The following STK33 variants were observed in gnomAD, a reference collection of about 807,000 sequenced individuals.
STK33 encodes the protein serine/threonine-protein kinase 33.
A neutral mutation model predicts 58.0 loss-of-function variants in STK33; 52 were observed. The ratio of observed to expected loss-of-function variants is 0.90; its 90% confidence interval spans 0.72 to 1.13. The LOEUF is 1.13. Ranked by LOEUF, STK33 falls within the 50% of genes most tolerant of loss-of-function variation. STK33 has a pLI of 0.00. For missense variants in STK33, 630 were observed against 604.2 expected (o/e 1.04, Z -0.45); for synonymous variants, 215 against 200.1 (o/e 1.07, Z -0.63).
chr11:8,482,338 G>C (rs1245363791), intron 1 of STK33, among the ~76,000 whole-genome samples: 1 of 152,196 alleles, frequency 6.6e-6, no homozygotes, highest in Non-Finnish European at 1.5e-5. Flanking sequence ...AGAGCATCTA[G>C]AGGGCAGTTA....
At chr11:8,487,895 GTGAA>G (rs1490441550) in intron 1 of STK33, among the ~76,000 whole-genome samples, 3 of 152,188 alleles carry the variant, frequency 2.0e-5, no homozygotes, top group Non-Finnish European at 4.4e-5. Context: ...GCATGCATGT[GTGAA>G]TGAATGAATA....
At position 8,445,833 on chromosome 11, in the gene STK33, G is replaced by A. The variant is rs541789430; in HGVS notation, c.872-5080C>T. ...CGCTGTTCATCAGGGATATTGGTCT[G>A]AAATTTTCTTTTTTTGTTGTGTCTC... On this transcript the variant is annotated intron_variant, in intron 11 of 15. Coordinates refer to ENST00000687296, the MANE Select transcript of STK33 (RefSeq NM_001352389.2). 1.5e-3 allele frequency among the ~76,000 whole-genome samples: 231 copies of A among 152,184 alleles called. 1 individual carries two copies. The highest frequency in any genetic ancestry group is 5.4e-3 in the African/African-American group (224 of 41,518).
intron 1 of STK33, among the ~76,000 whole-genome samples, chr11:8,493,137 C>CA (rs112607862): frequency 2.6e-5 from 4 of 151,912 alleles, no homozygotes; most frequent in Non-Finnish European, 5.9e-5. Flanking sequence ...AAAAACCCTT[C>CA]AAAAAATCAA....
At chr11:8,390,355 T>G (rs1428965808), downstream of STK33, among the ~76,000 whole-genome samples, 1 of 152,146 alleles carries the variant, frequency 6.6e-6, no homozygotes. Flanking sequence ...GGTGTCACAG[T>G]GTTTGTTATT....
chr11:8,463,251 G>A (rs1247328248), intron 7 of STK33, among the ~76,000 whole-genome samples: 1 of 152,162 alleles, frequency 6.6e-6, no homozygotes, highest in East Asian at 1.9e-4. Context: ...GCGGGAGAGG[G>A]CATGGTTTCA....
intron 1 of STK33, among the ~76,000 whole-genome samples, chr11:8,495,056 C>T (rs1207913794): frequency 6.6e-6 from 1 of 152,174 alleles, no homozygotes; most frequent in Non-Finnish European, 1.5e-5. Flanking sequence ...ATGACTAAAA[C>T]ACCAACAGCA....
chr11:8,498,154 GA>G (rs1284976385), intron 1 of STK33, among the ~76,000 whole-genome samples: 6 of 151,592 alleles, frequency 4.0e-5, no homozygotes, highest in South Asian at 2.1e-4. Context: ...GATATATGCA[GA>G]AAAAAAACAT....
rs1364511667 is a variant in STK33 at position 8,392,109 on chromosome 11, T to A, written c.*401A>T. On this transcript the variant is annotated 3_prime_UTR_variant, in exon 16 of 16. Coordinates refer to ENST00000687296, the MANE Select transcript of STK33 (RefSeq NM_001352389.2). ...AAAGTCTTCTAGTGCAAAGTGCACA[T>A]AATTATTTGGCACCTCCATTACTAT... 5.1e-6 allele frequency: 1 copy of A among 194,638 alleles called. No individual in the cohort carries two copies. The highest frequency in any genetic ancestry group is 1.2e-4 in the South Asian group (1 of 8,436). The allele number at this position is 194,638 out of a possible 1,614,324, so 12.1% of individuals were successfully genotyped here.
intron 1 of STK33, among the ~76,000 whole-genome samples, chr11:8,566,950 G>A (rs1168687569): frequency 1.3e-5 from 2 of 152,102 alleles, no homozygotes; most frequent in African/African-American, 4.8e-5. Flanking sequence ...ACAAGCCTGG[G>A]CAACATGGTG....
In STK33 at chr11:8,562,109, T is replaced by C. The variant is rs540642650; in HGVS notation, c.-466+31974A>G. 3.3e-5 allele frequency among the ~76,000 whole-genome samples: 5 copies of C among 152,344 alleles called. No individual in the cohort carries two copies. The East Asian group carries it at 9.6e-4, about 29-fold the overall frequency. ...CAATTTCTTTAAGTGAATACAGATG[T>C]ATTTTTCAAGAATTTGTTTACTAAA... On this transcript the variant is annotated intron_variant, in intron 1 of 15. Coordinates refer to ENST00000687296, the MANE Select transcript of STK33 (RefSeq NM_001352389.2).
Position 8,392,335 on chromosome 11 carries a change from G to T in STK33, c.*175C>A. On this transcript the variant is annotated 3_prime_UTR_variant, in exon 16 of 16. Coordinates refer to ENST00000687296, the MANE Select transcript of STK33 (RefSeq NM_001352389.2). ...TCCTTTAATGCCATGTGCAGCTTAT[G>T]CTGCTTTGGAGATAAGCAGCTTCAA... 1.3e-6 allele frequency: 1 copy of T among 744,588 alleles called. No individual in the cohort carries two copies. The highest frequency in any genetic ancestry group is 2.2e-6 in the Non-Finnish European group (1 of 448,666). The allele number at this position is 744,588 out of a possible 1,614,324, so 46.1% of individuals were successfully genotyped here.
At chr11:8,392,990 G>A (rs1347674417) in intron 15 of STK33, among the ~76,000 whole-genome samples, 1 of 152,204 alleles carries the variant, frequency 6.6e-6, no homozygotes, top group East Asian at 1.9e-4. Flanking sequence ...GGTAACATTT[G>A]TGCAGGGAAG....
At chr11:8,406,574 A>C (rs907580557) in intron 15 of STK33, among the ~76,000 whole-genome samples, 2 of 152,312 alleles carry the variant, frequency 1.3e-5, no homozygotes, top group South Asian at 2.1e-4. Flanking sequence ...TTTTGGTATA[A>C]ATATTTTGCA....
chr11:8,371,650 T>G, the STK33 span, among the ~76,000 whole-genome samples: 1 of 151,292 alleles, frequency 6.6e-6, no homozygotes, highest in African/African-American at 2.4e-5. Context: ...CTTCCTTTCT[T>G]TTCTTTTCTT....
At chr11:8,550,053 G>A (rs1224915516) in intron 1 of STK33, among the ~76,000 whole-genome samples, 1 of 152,032 alleles carries the variant, frequency 6.6e-6, no homozygotes, top group African/African-American at 2.4e-5. Context: ...ATCTCACTCT[G>A]AACAAATCAT....
intron 1 of STK33, among the ~76,000 whole-genome samples, chr11:8,572,034 AATAAATTAATT>A (rs1427796625): frequency 6.2e-4 from 91 of 145,932 alleles, no homozygotes; most frequent in African/African-American, 1.3e-3. Flanking sequence ...AATTTTAAAA[AATAAATTAATT>A]AATTAATTAA....
chr11:8,558,260 T>C (rs1956897126), intron 1 of STK33, among the ~76,000 whole-genome samples: 1 of 152,118 alleles, frequency 6.6e-6, no homozygotes, highest in Non-Finnish European at 1.5e-5. Context: ...ATAAATTTGT[T>C]CAAAGAGATA....
intron 2 of STK33, among the ~76,000 whole-genome samples, chr11:8,479,841 T>C (rs554209188): frequency 6.6e-5 from 10 of 151,164 alleles, no homozygotes; most frequent in Middle Eastern, 6.8e-3. Flanking sequence ...AGACTCTGTC[T>C]CAAAAAAAAT....
chr11:8,563,157 C>A (rs567949413), intron 1 of STK33, among the ~76,000 whole-genome samples: 7 of 152,204 alleles, frequency 4.6e-5, no homozygotes, highest in African/African-American at 1.4e-4. Context: ...GTAAGTAGGG[C>A]CTTCCTTGGG....
Sources: allele counts gnomAD v4.1 joint callset (sites outside exome capture counted in the v4.1 genomes callset), GRCh38; gene constraint gnomAD v4.1.1; transcripts MANE v1.5; gene names NCBI Gene and HGNC (gene_info 2026-07-23, HGNC 2026-07-21).